Variants in MAN2B2 observed in about 807,000 individuals in gnomAD.
MAN2B2 encodes epididymis-specific alpha-mannosidase.
A neutral mutation model predicts 117.1 loss-of-function variants in MAN2B2; 106 were observed. The observed-to-expected ratio is 0.90, with a 90% CI of 0.77 to 1.06. MAN2B2 has a LOEUF of 1.06. Among genes scored for constraint, MAN2B2 ranks in the 50% least tolerant of loss-of-function variants. The probability of loss-of-function intolerance (pLI) is 0.00; values close to 1 mark genes in which losing one functional copy is unlikely to be tolerated. For missense variants in MAN2B2, 1,326 were observed against 1,381.4 expected, an observed-to-expected ratio of 0.96 and a Z score of 0.64; for synonymous variants, 544 against 595.1, an observed-to-expected ratio of 0.91 and a Z score of 1.25.
At chr4:6,607,822 C>A (rs545423312) in intron 11 of MAN2B2, among the ~76,000 whole-genome samples, 8 of 152,180 alleles carry the variant, frequency 5.3e-5, no homozygotes, top group African/African-American at 1.9e-4. Context: ...TTTTCCAAAG[C>A]GGCTGCACCA....
intron 11 of MAN2B2, among the ~76,000 whole-genome samples, chr4:6,605,609 A>C (rs1210687521): frequency 6.6e-6 from 1 of 152,002 alleles, no homozygotes; most frequent in African/African-American, 2.4e-5. Flanking sequence ...CTTTTTTTTT[A>C]ATTTAGAGAA....
At chr4:6,614,106 T>A in intron 15 of MAN2B2, 112 bp from the exon 16 acceptor site, 1 of 1,343,254 alleles carries the variant, frequency 7.4e-7, no homozygotes, top group Non-Finnish European at 1.0e-6. Flanking sequence ...CCCACAAGGA[T>A]GCATGGGAAG....
rs575788127 is a variant in MAN2B2, at chr4:6,622,518, G to A, written c.*1233G>A. The A allele has an allele frequency of 2.0e-5, 3 of 150,786 alleles. No individual in the cohort carries two copies. The highest frequency in any genetic ancestry group is 4.9e-5 in the African/African-American group (2 of 41,116). The allele number at this position is 150,786 out of a possible 1,614,324, so 9.3% of individuals were successfully genotyped here. ...CAGTGTCAAGATCTCAGCTCACTGC[G>A]ACCTGCACCTCCTGGGTTCAAGCAA... On this transcript the variant is annotated 3_prime_UTR_variant, in exon 19 of 19. Coordinates refer to ENST00000285599, the MANE Select transcript of MAN2B2 (RefSeq NM_015274.3).
intron 11 of MAN2B2, among the ~76,000 whole-genome samples, chr4:6,606,502 C>T (rs11734606): frequency 0.1 from 15,589 of 152,318 alleles, 885 homozygotes; most frequent in East Asian, 0.14. Flanking sequence ...CCCCATGCCC[C>T]CTCTGTACAT....
At chr4:6,596,747 C>T (rs907431251) in intron 7 of MAN2B2, among the ~76,000 whole-genome samples, 2 of 152,182 alleles carry the variant, frequency 1.3e-5, no homozygotes, top group Admixed American at 1.3e-4. Flanking sequence ...CCTGGCTCCT[C>T]CTCTTCCCCT....
intron 15 of MAN2B2, among the ~76,000 whole-genome samples, chr4:6,612,337 A>G (rs1295227925): frequency 1.3e-5 from 2 of 152,344 alleles, no homozygotes; most frequent in East Asian, 3.9e-4. Context: ...GCCATGCCAT[A>G]GAGGGCCTGG....
chr4:6,612,883 G>A (rs1456856372), intron 15 of MAN2B2, among the ~76,000 whole-genome samples: 1 of 152,226 alleles, frequency 6.6e-6, no homozygotes, highest in Non-Finnish European at 1.5e-5. Flanking sequence ...GGGAAGGGCA[G>A]GGTGTAATTG....
At chr4:6,579,319 TCACCACCACCACCACCAC>T (rs748293245) in intron 3 of MAN2B2, among the ~76,000 whole-genome samples, 2 of 17,394 alleles carry the variant, frequency 1.1e-4, no homozygotes, top group African/African-American at 2.1e-4. Context: ...ACCACCACCA[TCACCACCACCACCACCAC>T]CACCATCACC....
In MAN2B2 at chr4:6,597,310, C is replaced by A; in HGVS notation, c.1248+7C>A. On this transcript the variant is annotated splice_region_variant and intron_variant, in intron 8 of 18. Transcript: ENST00000285599. ...TCGCTGGGCCGTCTCCGAGGTAACA[C>A]CACATTTAGCCACAGTGGCAGGATT... The A allele has an allele frequency of 1.3e-6, 2 of 1,524,676 alleles. No homozygotes were observed. The highest frequency in any genetic ancestry group is 8.8e-7 in the Non-Finnish European group (1 of 1,134,668). The allele number at this position is 1,524,676 out of a possible 1,614,324, so 94.4% of individuals were successfully genotyped here.
At chr4:6,620,277 G>A (rs113432333) in intron 18 of MAN2B2, 20 of 473,594 alleles carry the variant, frequency 4.2e-5, no homozygotes, top group Admixed American at 1.8e-4. Context: ...GCACTTGTAC[G>A]TGTGCACACG....
At chr4:6,608,294 T>A (rs568855931) in intron 11 of MAN2B2, among the ~76,000 whole-genome samples, 8 of 152,252 alleles carry the variant, frequency 5.3e-5, no homozygotes, top group African/African-American at 1.9e-4. Flanking sequence ...CAGCACTCAG[T>A]AGAACCCTCC....
chr4:6,588,101 A>T (rs898604410), intron 4 of MAN2B2, among the ~76,000 whole-genome samples: 1 of 152,072 alleles, frequency 6.6e-6, no homozygotes, highest in Non-Finnish European at 1.5e-5. Context: ...ACCTTATGGG[A>T]CGGTGTCATC....
chr4:6,615,001 C>T (rs1711794203), intron 16 of MAN2B2, among the ~76,000 whole-genome samples: 1 of 152,234 alleles, frequency 6.6e-6, no homozygotes, highest in South Asian at 2.1e-4. Context: ...AGCTGCACCT[C>T]CTCTGCCCCC....
Position 6,610,958 on chromosome 4 carries a change from G to A in MAN2B2, c.2338G>A (p.Gly780Ser). 6.2e-7 allele frequency: 1 copy of A among 1,614,192 alleles called. No individual in the cohort carries two copies. Among genetic ancestry groups the A allele is most frequent in the Non-Finnish European group, 8.5e-7 (1 of 1,180,030 alleles). Residue 780 changes from glycine to serine, a missense_variant, in exon 14 of 19, where the codon GGC (glycine) becomes AGC (serine). Transcript: ENST00000285599. ...RLVLLSERAH[G>S]ISSQGNGQVE... ...TGTGTTGCTGTCGGAGCGGGCACAT[G>A]GCATCTCCAGCCAAGGGAATGGGCA... is the stretch of plus-strand genomic sequence containing the variant.
At chr4:6,592,416 C>T (rs979410734) in intron 5 of MAN2B2, among the ~76,000 whole-genome samples, 1 of 152,074 alleles carries the variant, frequency 6.6e-6, no homozygotes, top group Non-Finnish European at 1.5e-5. Flanking sequence ...CCCAGGAATT[C>T]GAGACCAGCC....
At chr4:6,593,099 C>A in intron 5 of MAN2B2, 74 bp from the exon 6 acceptor site, 1 of 1,432,702 alleles carries the variant, frequency 7.0e-7, no homozygotes, top group Non-Finnish European at 9.6e-7. Flanking sequence ...GCTGGGAGAA[C>A]ATGGCACTTG....
At chr4:6,582,287 CTT>C (rs1196850345) in intron 3 of MAN2B2, among the ~76,000 whole-genome samples, 1 of 152,180 alleles carries the variant, frequency 6.6e-6, no homozygotes, top group Non-Finnish European at 1.5e-5. Flanking sequence ...TCCACCTTCT[CTT>C]GTCTCTCTGA....
chr4:6,599,417 C>T (rs922064612), intron 9 of MAN2B2, among the ~76,000 whole-genome samples: 7 of 152,108 alleles, frequency 4.6e-5, no homozygotes, highest in African/African-American at 1.7e-4. Context: ...AATCCCAGCA[C>T]TTTGGGAGGC....
chr4:6,576,685 G>T lies in MAN2B2; in HGVS notation c.246G>T (p.Leu82=), dbSNP rs562467770. 1 of 1,613,998 alleles carries T rather than the reference G, an allele frequency of 6.2e-7. No homozygotes were observed. Among genetic ancestry groups the T allele is most frequent in the African/African-American group, 1.3e-5 (1 of 75,050 alleles). The change falls in exon 2 of 19, where the codon CTG becomes CTT. Residue 82 remains leucine, a synonymous_variant. Transcript: ENST00000285599. ...FIAVEQEFFR[L]WWDGVASDQQ... Reference sequence around the variant, plus strand: ...CTGTGGAGCAGGAGTTTTTCCGGCTGTGGTGGGATGGCGTCGCCTCGGACC... The same window carrying T: ...CTGTGGAGCAGGAGTTTTTCCGGCTTTGGTGGGATGGCGTCGCCTCGGACC...
Sources: allele counts gnomAD v4.1 joint callset (sites outside exome capture counted in the v4.1 genomes callset), GRCh38; gene constraint gnomAD v4.1.1; transcripts MANE v1.5; gene names NCBI Gene and HGNC (gene_info 2026-07-23, HGNC 2026-07-21).